The following KCNMA1 variants were observed in gnomAD, a reference collection of about 807,000 sequenced individuals.
The protein encoded by KCNMA1 is Calcium-activated potassium channel subunit alpha-1.
Under a neutral mutation model 140.0 loss-of-function variants are expected in KCNMA1, and 29 were observed. The ratio of observed to expected loss-of-function variants is 0.21; its 90% CI spans 0.15 to 0.28. The LOEUF is 0.28. KCNMA1 is among the 10% of genes least tolerant of loss of function. The pLI, the probability that KCNMA1 is intolerant of heterozygous loss-of-function variation, is 1.00. For missense variants in KCNMA1, 880 were observed against 1,602.2 expected, an observed-to-expected ratio of 0.55 and a Z score of 7.70; for synonymous variants, 612 against 611.9, an observed-to-expected ratio of 1.00 and a Z score of 0.00.
At chr10:77,290,719 G>A (rs2072923616) in intron 2 of KCNMA1, among the ~76,000 whole-genome samples, 1 of 152,166 alleles carries the variant, frequency 6.6e-6, no homozygotes, top group Non-Finnish European at 1.5e-5. Context: ...TGACAACCCT[G>A]ATGGTACCTC....
At chr10:77,384,122 C>A (rs1603450564) in intron 2 of KCNMA1, among the ~76,000 whole-genome samples, 1 of 152,348 alleles carries the variant, frequency 6.6e-6, no homozygotes, top group Middle Eastern at 3.4e-3. Flanking sequence ...TCACTGGCAT[C>A]ACGCTGATGG....
At chr10:76,956,699 A>C (rs1041499738) in intron 20 of KCNMA1, among the ~76,000 whole-genome samples, 4 of 152,174 alleles carry the variant, frequency 2.6e-5, no homozygotes, top group African/African-American at 9.7e-5. Flanking sequence ...ATATATATAC[A>C]CCAATAGTTC....
chr10:77,371,456 C>G (rs2094710768), intron 2 of KCNMA1, among the ~76,000 whole-genome samples: 1 of 152,160 alleles, frequency 6.6e-6, no homozygotes, highest in Non-Finnish European at 1.5e-5. Context: ...GCAGTCTTGA[C>G]CCCTGGGCTG....
At chr10:77,634,781 A>C in intron 1 of KCNMA1, 1 of 33,550 alleles carries the variant, frequency 3.0e-5, no homozygotes, top group Non-Finnish European at 5.2e-5. Flanking sequence ...AAAAAGACAA[A>C]CACACACACA....
chr10:77,244,218 T>C (rs1599793956), intron 3 of KCNMA1, among the ~76,000 whole-genome samples: 1 of 152,204 alleles, frequency 6.6e-6, no homozygotes, highest in East Asian at 1.9e-4. Flanking sequence ...CTTGAGGAGG[T>C]CCCTCATCCT....
intron 1 of KCNMA1, among the ~76,000 whole-genome samples, chr10:77,406,693 A>G (rs1225605292): frequency 1.3e-5 from 2 of 152,138 alleles, no homozygotes; most frequent in African/African-American, 2.4e-5. Context: ...CCTTCACCCA[A>G]GGACAGAACC....
chr10:77,291,111 C>G (rs1012701880), intron 2 of KCNMA1, among the ~76,000 whole-genome samples: 1 of 152,192 alleles, frequency 6.6e-6, no homozygotes, highest in Non-Finnish European at 1.5e-5. Flanking sequence ...CTTCCCGTGC[C>G]TCTCTTCCCC....
At chr10:76,880,670 A>T (rs1237461999), downstream of KCNMA1, among the ~76,000 whole-genome samples, 7 of 152,234 alleles carry the variant, frequency 4.6e-5, no homozygotes, top group South Asian at 2.1e-4. Context: ...TGATAATTTG[A>T]TGTATTGAAT....
At chr10:76,959,472 T>C (rs2069989336) in intron 20 of KCNMA1, among the ~76,000 whole-genome samples, 2 of 152,232 alleles carry the variant, frequency 1.3e-5, no homozygotes, top group Non-Finnish European at 1.5e-5. Context: ...ATGTTAATCA[T>C]TAGCATTATT....
intron 3 of KCNMA1, among the ~76,000 whole-genome samples, chr10:77,240,706 C>T (rs1333482007): frequency 6.6e-6 from 1 of 152,188 alleles, no homozygotes; most frequent in Non-Finnish European, 1.5e-5. Context: ...GCCACTAGAG[C>T]CTGCATTTCT....
chr10:77,314,923 AACAC>A (rs3998084), intron 2 of KCNMA1, among the ~76,000 whole-genome samples: 5,309 of 146,250 alleles, frequency 0.036, 159 homozygotes, highest in African/African-American at 0.074. Context: ...CCACACCCCC[AACAC>A]ACACACACAC....
intron 1 of KCNMA1, among the ~76,000 whole-genome samples, chr10:77,534,568 A>G (rs1230310593): frequency 6.6e-6 from 1 of 152,168 alleles, no homozygotes; most frequent in Non-Finnish European, 1.5e-5. Context: ...TCCTGAAGGA[A>G]CCTAATATAC....
chr10:77,126,076 AG>A (rs1392478894), intron 5 of KCNMA1, among the ~76,000 whole-genome samples: 2 of 152,202 alleles, frequency 1.3e-5, no homozygotes, highest in African/African-American at 4.8e-5. Flanking sequence ...GAGAGGTGAG[AG>A]GGGGAACTCT....
intron 2 of KCNMA1, among the ~76,000 whole-genome samples, chr10:77,318,803 C>A (rs1051295021): frequency 5.9e-5 from 9 of 152,076 alleles, no homozygotes; most frequent in African/African-American, 1.9e-4. Flanking sequence ...GTTTTTGTAT[C>A]CTACTCTGAG....
At chr10:77,353,895 A>G (rs1457929275) in intron 2 of KCNMA1, among the ~76,000 whole-genome samples, 1 of 149,968 alleles carries the variant, frequency 6.7e-6, no homozygotes, top group Non-Finnish European at 1.5e-5. Context: ...TGAACAGTAG[A>G]GCCAGGATTC....
intron 23 of KCNMA1, among the ~76,000 whole-genome samples, chr10:76,918,903 C>CAT (rs1218601529): frequency 1.4e-5 from 2 of 143,796 alleles, no homozygotes; most frequent in African/African-American, 2.6e-5. Context: ...TACACACACA[C>CAT]ATATATATAT....
intron 1 of KCNMA1, among the ~76,000 whole-genome samples, chr10:77,497,038 T>C (rs1410261127): frequency 6.6e-6 from 1 of 152,192 alleles, no homozygotes; most frequent in South Asian, 2.1e-4. Context: ...AGGACCAGTG[T>C]TGCCCAAGGC....
At chr10:77,222,421 A>G (rs192377975) in intron 3 of KCNMA1, among the ~76,000 whole-genome samples, 1 of 152,340 alleles carries the variant, frequency 6.6e-6, no homozygotes, top group East Asian at 1.9e-4. Flanking sequence ...CAAAGCCTAA[A>G]CATTTCAATC....
At chr10:77,112,676 C>G (rs1266806498) in intron 6 of KCNMA1, among the ~76,000 whole-genome samples, 9 of 152,154 alleles carry the variant, frequency 5.9e-5, no homozygotes, top group Admixed American at 1.3e-4. Flanking sequence ...ATTTAAAAAA[C>G]TCTTCAAATC....
Sources: gnomAD v4.1 joint callset for allele counts (sites outside exome capture counted in the v4.1 genomes callset) on GRCh38, gnomAD v4.1.1 for gene constraint, MANE v1.5 for transcripts, NCBI Gene and HGNC (gene_info 2026-07-23, HGNC 2026-07-21) for gene names.